The following GLI2 variants were observed in gnomAD, a reference collection of about 807,000 sequenced individuals.
GLI2 encodes the protein GLI family zinc finger 2.
Under a neutral mutation model 78.9 loss-of-function variants are expected in GLI2, and 22 were observed. The observed-to-expected ratio is 0.28, with a 90% CI of 0.20 to 0.40. The LOEUF (loss-of-function observed/expected upper bound fraction) is 0.40. Ranked by LOEUF, GLI2 falls within the 10% of genes least tolerant of loss-of-function variation. The pLI is 1.00. For missense variants in GLI2, 2,097 were observed against 2,213.2 expected (o/e 0.95, Z 1.05); for synonymous variants, 974 against 963.7 (o/e 1.01, Z -0.20).
intron 2 of GLI2, among the ~76,000 whole-genome samples, chr2:120,824,428 G>A (rs1418089926): frequency 1.3e-5 from 2 of 152,186 alleles, no homozygotes; most frequent in Non-Finnish European, 2.9e-5. Context: ...ATTGTCCCTC[G>A]CCACCCCGGG....
intron 2 of GLI2, among the ~76,000 whole-genome samples, chr2:120,824,920 C>T (rs1685968975): frequency 6.6e-6 from 1 of 152,176 alleles, no homozygotes; most frequent in Non-Finnish European, 1.5e-5. Context: ...ACTGTAGCCT[C>T]GACCACCCGG....
At chr2:120,899,758 A>T (rs1344832552) in intron 2 of GLI2, among the ~76,000 whole-genome samples, 1 of 152,218 alleles carries the variant, frequency 6.6e-6, no homozygotes, top group Non-Finnish European at 1.5e-5. Flanking sequence ...AAGTGAAGTC[A>T]TCGATGAAAA....
chr2:120,799,157 T>G (rs1478575381), intron 2 of GLI2, among the ~76,000 whole-genome samples: 1 of 152,178 alleles, frequency 6.6e-6, no homozygotes, highest in Non-Finnish European at 1.5e-5. Flanking sequence ...AACAGATGCT[T>G]GAGGGATTCT....
intron 1 of GLI2, among the ~76,000 whole-genome samples, chr2:120,744,121 G>A (rs1387229672): frequency 6.6e-6 from 1 of 152,220 alleles, no homozygotes; most frequent in African/African-American, 2.4e-5. Flanking sequence ...AGGAAGGGCT[G>A]ACACATAAAT....
intron 1 of GLI2, among the ~76,000 whole-genome samples, chr2:120,782,183 G>A (rs1249997816): frequency 2.6e-5 from 4 of 152,146 alleles, no homozygotes; most frequent in Non-Finnish European, 5.9e-5. Flanking sequence ...GTGTTGTCAG[G>A]GTTTAATGGG....
rs556120427 is a variant in GLI2 at position 120,941,887 on chromosome 2, C to A, written c.255-9356C>A. 2.0e-4 allele frequency among the ~76,000 whole-genome samples: 30 copies of A among 152,258 alleles called. 1 individual carries two copies. The South Asian group carries it at 3.7e-3, about 19-fold the overall frequency. Reference sequence around the variant, plus strand: ...GATTCTGGCTATGGGGAGTCAGTGACCATGAAATCCAGGCGGCAGGGGGGA... The same window carrying A: ...GATTCTGGCTATGGGGAGTCAGTGAACATGAAATCCAGGCGGCAGGGGGGA... On this transcript the variant is annotated intron_variant, in intron 3 of 13. Coordinates refer to ENST00000361492, the MANE Select transcript of GLI2 (RefSeq NM_001374353.1).
intron 2 of GLI2, among the ~76,000 whole-genome samples, chr2:120,917,356 G>T (rs762966185): frequency 6.6e-6 from 1 of 152,240 alleles, no homozygotes; most frequent in Non-Finnish European, 1.5e-5. Context: ...TGTAGCCAGT[G>T]GTGCATCTGT....
intron 1 of GLI2, among the ~76,000 whole-genome samples, chr2:120,740,447 AAAAC>A (rs1682496823): frequency 6.6e-6 from 1 of 151,918 alleles, no homozygotes; most frequent in South Asian, 2.1e-4. Context: ...TAAAAAAAAA[AAAAC>A]AGGTTGCTGG....
At chr2:120,974,793 TG>T (rs1241653004) in intron 8 of GLI2, 181 bp from the exon 9 acceptor site, 18 of 784,672 alleles carry the variant, frequency 2.3e-5, no homozygotes, top group Admixed American at 5.7e-5. Context: ...TGTGTGTGTG[TG>T]TGTGTGTGTC....
chr2:120,974,991 T>G lies in GLI2; in HGVS notation c.1199T>G (p.Leu400Arg). Reference sequence around the variant, plus strand: ...CTCTCCCAGGAGCAGCTGGCTGACCTCAAGGAAGATCTGGACAGGGATGAC... The same window carrying G: ...CTCTCCCAGGAGCAGCTGGCTGACCGCAAGGAAGATCTGGACAGGGATGAC... ...LALTQEQLADLKEDLDRDDCK... is the reference protein window; with the variant it reads ...LALTQEQLADRKEDLDRDDCK... The change falls in exon 9 of 14, where the codon CTC (leucine) becomes CGC (arginine). Residue 400 changes from leucine (L) to arginine (R), a missense_variant. By Grantham distance (102) the Leu-to-Arg change is moderately radical. Coordinates refer to ENST00000361492, the MANE Select transcript of GLI2 (RefSeq NM_001374353.1). 6.2e-7 allele frequency: 1 copy of G among 1,614,206 alleles called. No homozygotes were observed. The highest frequency in any genetic ancestry group is 1.1e-5 in the South Asian group (1 of 91,080).
At chr2:120,913,726 T>C (rs1408113498) in intron 2 of GLI2, among the ~76,000 whole-genome samples, 1 of 152,204 alleles carries the variant, frequency 6.6e-6, no homozygotes, top group African/African-American at 2.4e-5. Context: ...AGACAGTAAG[T>C]CCAGCCCCAG....
chr2:120,931,880 T>G (rs1679958976), intron 3 of GLI2, among the ~76,000 whole-genome samples: 1 of 152,126 alleles, frequency 6.6e-6, no homozygotes, highest in South Asian at 2.1e-4. Context: ...AGCAGCATGG[T>G]GCTCCCAGAG....
chr2:120,776,793 G>T (rs1458980598), intron 1 of GLI2, among the ~76,000 whole-genome samples: 1 of 152,210 alleles, frequency 6.6e-6, no homozygotes, highest in African/African-American at 2.4e-5. Flanking sequence ...CCCAAGAGGA[G>T]CCAGAGGGCC....
chr2:120,934,958 C>T lies in GLI2; in HGVS notation c.254+7492C>T, dbSNP rs764922371. Among the ~76,000 whole-genome samples the T allele has an allele frequency of 5.5e-4, 83 of 152,138 alleles. 1 individual carries two copies. Among genetic ancestry groups the T allele is most frequent in the Non-Finnish European group, 9.1e-4 (62 of 68,036 alleles). ...AGCCTGTGACTCACCAGTGTCATCCCGGGCCTTTATGACTCTGTCCTCAGT... is the reference window on the plus strand; with the variant it reads ...AGCCTGTGACTCACCAGTGTCATCCTGGGCCTTTATGACTCTGTCCTCAGT... On this transcript the variant is annotated intron_variant, in intron 3 of 13. Transcript: ENST00000361492.
intron 2 of GLI2, among the ~76,000 whole-genome samples, chr2:120,837,640 A>G (rs1168212026): frequency 6.6e-6 from 1 of 152,220 alleles, no homozygotes; most frequent in Non-Finnish European, 1.5e-5. Flanking sequence ...GTGCATTTAC[A>G]TGTAGCTTTT....
intron 3 of GLI2, among the ~76,000 whole-genome samples, chr2:120,944,276 C>T (rs6716428): frequency 0.84 from 127,113 of 152,092 alleles, 57,223 homozygotes; most frequent in East Asian, 1. Flanking sequence ...TGAGCTGCTT[C>T]CATTTGCTCA....
intron 2 of GLI2, among the ~76,000 whole-genome samples, chr2:120,911,314 C>T (rs1430406307): frequency 6.6e-6 from 1 of 152,190 alleles, no homozygotes; most frequent in Non-Finnish European, 1.5e-5. Context: ...GTAACAATAC[C>T]TTCATCAATT....
intron 10 of GLI2, among the ~76,000 whole-genome samples, chr2:120,981,576 T>C (rs1159287223): frequency 1.3e-5 from 2 of 152,108 alleles, no homozygotes; most frequent in Non-Finnish European, 2.9e-5. Flanking sequence ...GAGCTGTGAG[T>C]TGTGGAAACA....
At chr2:120,934,330 G>GT (rs1680090898) in intron 3 of GLI2, among the ~76,000 whole-genome samples, 1 of 152,228 alleles carries the variant, frequency 6.6e-6, no homozygotes, top group Admixed American at 6.5e-5. Context: ...GCAAAAGGCA[G>GT]TGAGTGTATG....
Sources: gnomAD v4.1 joint callset for allele counts (sites outside exome capture counted in the v4.1 genomes callset) on GRCh38, gnomAD v4.1.1 for gene constraint, MANE v1.5 for transcripts, NCBI Gene and HGNC (gene_info 2026-07-23, HGNC 2026-07-21) for gene names.